The following SEMA4A variants were observed in gnomAD, a reference collection of about 807,000 sequenced individuals.
The protein encoded by SEMA4A is semaphorin 4A, also known as semaphorin-4A.
Under a neutral mutation model 72.5 loss-of-function variants are expected in SEMA4A, and 52 were observed. That is an observed-to-expected ratio of 0.72 (90% CI 0.57 to 0.90). The LOEUF (loss-of-function observed/expected upper bound fraction) is 0.90. Among genes scored for constraint, SEMA4A ranks in the 40% least tolerant of loss-of-function variants. The pLI, the probability that SEMA4A is intolerant of heterozygous loss-of-function variation, is 0.00. For synonymous variants in SEMA4A, 369 were observed against 393.1 expected (o/e 0.94, Z 0.73); for missense variants, 926 against 959.7 (o/e 0.96, Z 0.46).
intron 10 of SEMA4A, among the ~76,000 whole-genome samples, chr1:156,165,379 T>G (rs2102976084): frequency 6.6e-6 from 1 of 152,246 alleles, no homozygotes; most frequent in African/African-American, 2.4e-5. Context: ...TCTTTTCAAC[T>G]ATTTCATTTT....
intron 10 of SEMA4A, among the ~76,000 whole-genome samples, chr1:156,165,065 C>T (rs866375337): frequency 1.3e-5 from 2 of 152,082 alleles, no homozygotes; most frequent in East Asian, 1.9e-4. Context: ...CCTCCCAAAG[C>T]GCTAGGATTA....
At chr1:156,162,448 A>T (rs146003093) in intron 9 of SEMA4A, among the ~76,000 whole-genome samples, 6 of 152,314 alleles carry the variant, frequency 3.9e-5, no homozygotes, top group African/African-American at 1.4e-4. Context: ...AGCCTGGTGT[A>T]TACAGTAGTC....
At chr1:156,152,918 C>T (rs1168950892), upstream of SEMA4A, among the ~76,000 whole-genome samples, 2 of 152,110 alleles carry the variant, frequency 1.3e-5, no homozygotes, top group Non-Finnish European at 2.9e-5. Flanking sequence ...GAGTTCTTGG[C>T]GCTGGATGCC....
chr1:156,177,192 T>A lies in SEMA4A; in HGVS notation c.*195T>A, dbSNP rs1352168695. 1.5e-6 allele frequency: 1 copy of A among 658,346 alleles called. No homozygotes were observed. Among genetic ancestry groups the A allele is most frequent in the Non-Finnish European group, 2.7e-6 (1 of 365,826 alleles). The allele number at this position is 658,346 out of a possible 1,614,324, so 40.8% of individuals were successfully genotyped here. The stretch of plus-strand genomic sequence containing the variant: ...AGTCTGCCTCCCCTATGGGACTCCC[T>A]TCTACCAAGCACATGAGCTCTCTAA... On this transcript the variant is annotated 3_prime_UTR_variant, in exon 15 of 15. Coordinates refer to ENST00000368285, the MANE Select transcript of SEMA4A (RefSeq NM_022367.4).
intron 10 of SEMA4A, among the ~76,000 whole-genome samples, chr1:156,166,707 T>G (rs763350398): frequency 1.3e-5 from 2 of 152,050 alleles, no homozygotes; most frequent in Non-Finnish European, 2.9e-5. Context: ...GACAGGTGGA[T>G]CACCTGAGGT....
At chr1:156,160,081 G>C (rs1410213332) in intron 6 of SEMA4A, among the ~76,000 whole-genome samples, 5 of 152,156 alleles carry the variant, frequency 3.3e-5, no homozygotes, top group Admixed American at 1.3e-4. Flanking sequence ...AGGTGTTCCA[G>C]GGAGAGAAGG....
At chr1:156,156,921 G>A (rs1056948969) in intron 3 of SEMA4A, among the ~76,000 whole-genome samples, 6 of 151,906 alleles carry the variant, frequency 3.9e-5, no homozygotes, top group Admixed American at 6.6e-5. Flanking sequence ...TAATAGAGAC[G>A]AGATTTTACC....
chr1:156,151,260 A>C (rs1652509828), upstream of SEMA4A, among the ~76,000 whole-genome samples: 1 of 152,344 alleles, frequency 6.6e-6, no homozygotes, highest in South Asian at 2.1e-4. Context: ...GGCCCTTCTG[A>C]GCACAGGGCC....
chr1:156,163,184 A>C, intron 10 of SEMA4A, 90 bp downstream of exon 10: 1 of 1,438,848 alleles, frequency 7.0e-7, no homozygotes, highest in Non-Finnish European at 9.7e-7. Context: ...TGCCCAATAA[A>C]TGTTAGTGCT....
intron 3 of SEMA4A, among the ~76,000 whole-genome samples, 173 bp downstream of exon 3, chr1:156,156,747 T>C (rs1572391264): frequency 4.6e-5 from 1 of 21,852 alleles, no homozygotes; most frequent in African/African-American, 2.6e-4. Flanking sequence ...TGGCCTCACT[T>C]TTTTTTTTTT....
At chr1:156,158,353 G>A (rs1653245030) in intron 4 of SEMA4A, 35 bp from the exon 5 acceptor site, 2 of 1,549,926 alleles carry the variant, frequency 1.3e-6, no homozygotes, top group Admixed American at 1.7e-5. Flanking sequence ...TTTGAGTCAG[G>A]TGGCCTGGAG....
intron 10 of SEMA4A, among the ~76,000 whole-genome samples, chr1:156,164,023 G>T (rs1435656005): frequency 3.5e-5 from 5 of 144,386 alleles, no homozygotes; most frequent in African/African-American, 1.0e-4. Context: ...AGAGCAAGAT[G>T]CTGTCTCTAA....
At chr1:156,175,782 TG>T in intron 14 of SEMA4A, 126 bp downstream of exon 14, 1 of 741,494 alleles carries the variant, frequency 1.3e-6, no homozygotes, top group Non-Finnish European at 2.4e-6. Flanking sequence ...ACACCCGAGT[TG>T]GGATGGATTT....
intron 11 of SEMA4A, among the ~76,000 whole-genome samples, chr1:156,173,995 C>T (rs1024582226): frequency 7.2e-5 from 11 of 152,116 alleles, no homozygotes; most frequent in Non-Finnish European, 1.3e-4. Flanking sequence ...CCTGTAATCC[C>T]AGCTACTCGG....
upstream of SEMA4A, among the ~76,000 whole-genome samples, chr1:156,151,072 G>A (rs1652496719): frequency 6.6e-6 from 1 of 152,176 alleles, no homozygotes; most frequent in Non-Finnish European, 1.5e-5. Context: ...TTCCTCATTT[G>A]TACGGTTGTC....
Position 156,177,265 on chromosome 1 carries a change from A to T in SEMA4A, c.*268A>T, listed in dbSNP as rs1655447687. 1 of 545,656 alleles carries T rather than the reference A, an allele frequency of 1.8e-6. No individual in the cohort carries two copies. Among genetic ancestry groups the T allele is most frequent in the Non-Finnish European group, 3.3e-6 (1 of 301,676 alleles). 33.8% of individuals were successfully genotyped at this position (545,656 alleles called of 1,614,324 possible). On this transcript the variant is annotated 3_prime_UTR_variant, in exon 15 of 15. Transcript: ENST00000368285. ...CCTGCTCCTACACTGATATTGAAGA[A>T]CCTGGAGAGGATCCTTCAGTTCTGG...
intron 10 of SEMA4A, among the ~76,000 whole-genome samples, chr1:156,164,717 C>CT (rs1654000006): frequency 6.6e-6 from 1 of 152,044 alleles, no homozygotes; most frequent in Admixed American, 6.6e-5. Context: ...ATTACTTTTC[C>CT]TTTTTGCATA....
chr1:156,156,578 AG>A lies in SEMA4A; in HGVS notation c.300+6del, dbSNP rs1277979406. ...GGTCCCCAGGCTAAAGAACATGGTG[AG>A]GAGTCCAGGGATAAAGAGTGTGGGC... On this transcript the variant is annotated splice_donor_5th_base_variant and intron_variant, in intron 3 of 14. Transcript: ENST00000368285. 6.2e-7 allele frequency: 1 copy of A among 1,613,732 alleles called. No individual in the cohort carries two copies. Among genetic ancestry groups the A allele is most frequent in the Non-Finnish European group, 8.5e-7 (1 of 1,179,848 alleles).
chr1:156,153,974 C>T (rs1261836362), intron 1 of SEMA4A, among the ~76,000 whole-genome samples: 1 of 152,186 alleles, frequency 6.6e-6, no homozygotes. Flanking sequence ...TCAGGCCAGG[C>T]AGGCCTGAGC....
Sources: allele counts gnomAD v4.1 joint callset (sites outside exome capture counted in the v4.1 genomes callset), GRCh38; gene constraint gnomAD v4.1.1; transcripts MANE v1.5; gene names NCBI Gene and HGNC (gene_info 2026-07-23, HGNC 2026-07-21).